ELANE: variants seen among roughly 807,000 people sequenced by gnomAD.
ELANE encodes elastase, neutrophil expressed.
ELANE carries 12 observed loss-of-function variants against 20.6 expected under a neutral mutation model. The ratio of observed to expected loss-of-function variants is 0.58; its 90% CI spans 0.37 to 0.94. The LOEUF (loss-of-function observed/expected upper bound fraction) is 0.94. ELANE is among the 40% of genes least tolerant of loss of function. The pLI is 0.01. For missense variants in ELANE, 388 were observed against 395.2 expected, an observed-to-expected ratio of 0.98 and a Z score of 0.15; for synonymous variants, 203 against 177.4, an observed-to-expected ratio of 1.14 and a Z score of -1.15.
intron 3 of ELANE, among the ~76,000 whole-genome samples, chr19:854,177 C>A (rs142924059): frequency 8.9e-4 from 136 of 152,304 alleles, no homozygotes; most frequent in African/African-American, 3.2e-3. Context: ...GGCCCCGTGG[C>A]TCAGGCCTGT....
At position 853,009 on chromosome 19, in the gene ELANE, G is replaced by T. The variant is rs200254961; in HGVS notation, c.201G>T (p.Ser67=). 7.3e-5 allele frequency: 115 copies of T among 1,571,876 alleles called. No individual in the cohort carries two copies. The highest frequency in any genetic ancestry group is 9.3e-5 in the Non-Finnish European group (108 of 1,166,136). The change falls in exon 2 of 5, where the codon TCG becomes TCT. Residue 67 remains serine (S), a synonymous_variant. Transcript: ENST00000263621. ...ATLIAPNFVM[S]AAHCVANVNV... is the part of the protein sequence containing the mutation. ...TGATTGCGCCCAACTTCGTCATGTCGGCCGCGCACTGCGTGGCGAATGTGT... is the reference window on the plus strand; with the variant it reads ...TGATTGCGCCCAACTTCGTCATGTCTGCCGCGCACTGCGTGGCGAATGTGT...
chr19:856,019 G>C lies in ELANE; in HGVS notation c.659G>C (p.Arg220Pro), dbSNP rs137854445. The change falls in exon 5 of 5, where the codon CGG becomes CCG. Residue 220 changes from arginine (R) to proline (P), a missense_variant. Arg to Pro is a moderately radical substitution (Grantham distance 103). Around this residue, in one of 3 missense-constraint regions of ELANE, gnomAD observed 321 missense variants for 309.8 expected, o/e 1.04. Transcript: ENST00000263621. ...ATCCACGGAATTGCCTCCTTCGTCC[G>C]GGGAGGCTGCGCCTCAGGGCTCTAC... ...GLIHGIASFV[R>P]GGCASGLYPD... 8 of 1,613,402 alleles carry C rather than the reference G, an allele frequency of 5.0e-6. No individual in the cohort carries two copies. Among genetic ancestry groups the C allele is most frequent in the Non-Finnish European group, 6.8e-6 (8 of 1,180,036 alleles).
rs767938859 is a variant in ELANE at position 853,224 on chromosome 19, G to A, written c.225-38G>A. ...AAGGCGCGGCTGAGCCCCGACCCCC[G>A]GGGCCGCCCCTGAGCCCCGCCTCTC... On this transcript the variant is annotated intron_variant, in intron 2 of 4. Transcript: ENST00000263621. 5 of 1,554,406 alleles carry A rather than the reference G, an allele frequency of 3.2e-6. No homozygotes were observed. The South Asian group carries it at 3.5e-5, about 11-fold the overall frequency.
At position 852,322 on chromosome 19, in the gene ELANE, C is replaced by G. The variant is rs2035606179; in HGVS notation, c.-7C>G. 6.2e-7 allele frequency: 1 copy of G among 1,607,984 alleles called. No homozygotes were observed. The highest frequency in any genetic ancestry group is 1.1e-5 in the South Asian group (1 of 90,950). On this transcript the variant is annotated 5_prime_UTR_variant, in exon 1 of 5. Coordinates refer to ENST00000263621, the MANE Select transcript of ELANE (RefSeq NM_001972.4). ...AGGGGCAGAGACCCCGGAGCCCCAGCCCCACCATGACCCTCGGCCGCCGAC... is the reference window on the plus strand; with the variant it reads ...AGGGGCAGAGACCCCGGAGCCCCAGGCCCACCATGACCCTCGGCCGCCGAC...
Position 855,859 on chromosome 19 carries a change from C to G in ELANE, c.597+65C>G. ...CAGCCCGGACTGCAGCAACAGGCAC[C>G]GTGGCTAGACCCTAGGAGGGACTTC... is the stretch of plus-strand genomic sequence containing the variant. On this transcript the variant is annotated intron_variant, in intron 4 of 4. Transcript: ENST00000263621. The surrounding 1 kb of genome is among the most constrained non-coding windows in gnomAD (Gnocchi z 6.2). 3 of 1,603,938 alleles carry G rather than the reference C, an allele frequency of 1.9e-6. No homozygotes were observed. The highest frequency in any genetic ancestry group is 1.1e-5 in the South Asian group (1 of 90,812).
Position 856,128 on chromosome 19 carries a change from C to T in ELANE, c.768C>T (p.His256=), listed in dbSNP as rs199932636. 2.2e-5 allele frequency: 35 copies of T among 1,612,902 alleles called. No individual in the cohort carries two copies. The highest frequency in any genetic ancestry group is 6.7e-5 in the East Asian group (3 of 44,896). Residue 256 remains histidine (H), a synonymous_variant, in exon 5 of 5, where the codon CAC becomes CAT. Transcript: ENST00000263621. ...IQRSEDNPCP[H]PRDPDPASRT... is the part of the protein sequence containing the mutation. The stretch of plus-strand genomic sequence containing the variant: ...GCTCCGAGGACAACCCCTGTCCCCA[C>T]CCCCGGGACCCGGACCCGGCCAGCA...
In ELANE at chr19:855,359, C is replaced by T. The variant is rs914828599; in HGVS notation, c.367-205C>T. 7.2e-5 allele frequency among the ~76,000 whole-genome samples: 11 copies of T among 152,188 alleles called. No homozygotes were observed. The highest frequency in any genetic ancestry group is 1.9e-4 in the African/African-American group (8 of 41,452). ...AGCCACATCCAGGGACAACCTCCAA[C>T]GCCCTGAGCCTTGGTGACGGCTCCC... On this transcript the variant is annotated intron_variant, in intron 3 of 4. Coordinates refer to ENST00000263621, the MANE Select transcript of ELANE (RefSeq NM_001972.4). This position sits in a 1 kb window ranked among gnomAD's most constrained non-coding sequence, Gnocchi z 6.2.
intron 2 of ELANE, 113 bp downstream of exon 2, chr19:853,145 C>T: frequency 3.4e-6 from 5 of 1,465,994 alleles, no homozygotes; most frequent in Non-Finnish European, 4.5e-6. Flanking sequence ...GTCCAGGGCC[C>T]GCGGGGCCCC....
In ELANE at chr19:853,341, C is replaced by A. The variant is rs770660263; in HGVS notation, c.304C>A (p.Gln102Lys). The change falls in exon 3 of 5, where the codon CAG becomes AAG. Residue 102 changes from glutamine to lysine, a missense_variant. Coordinates refer to ENST00000263621, the MANE Select transcript of ELANE (RefSeq NM_001972.4). ...GCCCACCCGGCAGGTGTTCGCCGTG[C>A]AGCGCATCTTCGAAAACGGCTACGA... ...REPTRQVFAVQRIFENGYDPV... is the reference protein window; with the variant it reads ...REPTRQVFAVKRIFENGYDPV... The A allele has an allele frequency of 6.2e-7, 1 of 1,611,508 alleles. No homozygotes were observed. Among genetic ancestry groups the A allele is most frequent in the Non-Finnish European group, 8.5e-7 (1 of 1,179,250 alleles).
intron 3 of ELANE, among the ~76,000 whole-genome samples, chr19:854,021 A>T (rs867332598): frequency 2.0e-5 from 3 of 152,126 alleles, no homozygotes; most frequent in African/African-American, 7.2e-5. Flanking sequence ...TCAATCAACA[A>T]ACTTACTGAG....
At chr19:853,499 G>T in intron 3 of ELANE, 96 bp downstream of exon 3, 2 of 1,440,728 alleles carry the variant, frequency 1.4e-6, no homozygotes, top group East Asian at 5.0e-5. Flanking sequence ...CCGCTCGTGG[G>T]GACCTGGGGT....
intron 3 of ELANE, among the ~76,000 whole-genome samples, chr19:854,102 G>A (rs1599292237): frequency 6.6e-6 from 1 of 152,216 alleles, no homozygotes; most frequent in Non-Finnish European, 1.5e-5. Context: ...TGGGAAAAGG[G>A]GCAAAAGTCC....
rs200245073 is a variant in ELANE at position 852,922 on chromosome 19, C to T, written c.114C>T (p.Pro38=). 1.3e-6 allele frequency: 2 copies of T among 1,596,578 alleles called. No individual in the cohort carries two copies. The highest frequency in any genetic ancestry group is 3.3e-5 in the Admixed American group (2 of 59,714). ...SEIVGGRRAR[P]HAWPFMVSLQ... The stretch of plus-strand genomic sequence containing the variant: ...TTGTGGGGGGCCGGCGAGCGCGGCC[C>T]CACGCGTGGCCCTTCATGGTGTCCC... Residue 38 remains proline (P), a synonymous_variant, in exon 2 of 5, where the codon CCC becomes CCT. Transcript: ENST00000263621.
Position 855,840 on chromosome 19 carries a change from G to A in ELANE, c.597+46G>A, listed in dbSNP as rs201500983. Reference sequence around the variant, plus strand: ...TCTGCTCCCCACCCGCTCCCAGCCCGGACTGCAGCAACAGGCACCGTGGCT... The same window carrying A: ...TCTGCTCCCCACCCGCTCCCAGCCCAGACTGCAGCAACAGGCACCGTGGCT... On this transcript the variant is annotated intron_variant, in intron 4 of 4. Transcript: ENST00000263621. The surrounding 1 kb of genome is among the most constrained non-coding windows in gnomAD (Gnocchi z 6.2). 1.5e-4 allele frequency: 238 copies of A among 1,604,904 alleles called. No individual in the cohort carries two copies. Among genetic ancestry groups the A allele is most frequent in the Non-Finnish European group, 1.9e-4 (228 of 1,178,368 alleles).
At chr19:852,482 C>T in intron 1 of ELANE, 87 bp downstream of exon 1, 4 of 1,502,430 alleles carry the variant, frequency 2.7e-6, no homozygotes, top group Non-Finnish European at 3.6e-6. Flanking sequence ...CAGTGTGGGT[C>T]CCTCATCCTC....
At chr19:853,703 G>T (rs2035632907) in intron 3 of ELANE, among the ~76,000 whole-genome samples, 1 of 143,606 alleles carries the variant, frequency 7.0e-6, no homozygotes, top group Non-Finnish European at 1.5e-5. Context: ...GAGAAGGGAG[G>T]CCCCGATCTG....
Position 854,835 on chromosome 19 carries a change from T to TA in ELANE, c.367-724dup, listed in dbSNP as rs902683568. Among the ~76,000 whole-genome samples, 400 of 147,132 alleles carry TA rather than the reference T, an allele frequency of 2.7e-3. 2 individuals carry two copies. The highest frequency in any genetic ancestry group is 9.4e-3 in the African/African-American group (382 of 40,578). ...ATATAAAAATATTTTTATAAAATAATAAAAATATATATATACACACATATA... is the reference window on the plus strand; with the variant it reads ...ATATAAAAATATTTTTATAAAATAATAAAAAATATATATATACACACATATA... On this transcript the variant is annotated intron_variant, in intron 3 of 4. Coordinates refer to ENST00000263621, the MANE Select transcript of ELANE (RefSeq NM_001972.4).
At chr19:852,496 G>A (rs2035609387) in intron 1 of ELANE, 101 bp downstream of exon 1, 3 of 1,445,592 alleles carry the variant, frequency 2.1e-6, no homozygotes, top group South Asian at 2.4e-5. Flanking sequence ...CATCCTCACA[G>A]GGGAGGTGCC....
intron 2 of ELANE, 57 bp downstream of exon 2, chr19:853,089 T>TGG: frequency 1.1e-6 from 1 of 940,026 alleles, no homozygotes; most frequent in Non-Finnish European, 1.5e-6. Context: ...GTCTGTGAGG[T>TGG]GGGTGGGGGG....
Sources: gnomAD v4.1 joint callset for allele counts (sites outside exome capture counted in the v4.1 genomes callset) on GRCh38, gnomAD v4.1.1 for gene constraint, gnomAD v4.1.1 regional missense constraint, Gnocchi (gnomAD v3.1) non-coding constraint, MANE v1.5 for transcripts, NCBI Gene and HGNC (gene_info 2026-07-23, HGNC 2026-07-21) for gene names.